NOL4: variants seen among roughly 807,000 people sequenced by gnomAD.
NOL4 encodes cancer/testis antigen 125.
NOL4 carries 17 observed loss-of-function variants against 75.9 expected under a neutral mutation model. That is an observed-to-expected ratio of 0.22 (90% CI 0.15 to 0.34). The LOEUF (loss-of-function observed/expected upper bound fraction) is 0.34. Ranked by LOEUF, NOL4 falls within the 10% of genes least tolerant of loss-of-function variation. The pLI, the probability that NOL4 is intolerant of heterozygous loss-of-function variation, is 1.00. For missense variants in NOL4, 614 were observed against 793.5 expected, an observed-to-expected ratio of 0.77 and a Z score of 2.72; for synonymous variants, 292 against 289.9, an observed-to-expected ratio of 1.01 and a Z score of -0.07.
At chr18:33,893,258 G>A (rs565420628) in intron 9 of NOL4, among the ~76,000 whole-genome samples, 173 of 152,190 alleles carry the variant, frequency 1.1e-3, no homozygotes, top group African/African-American at 4.0e-3. Flanking sequence ...TACAGATTAA[G>A]GGCAAGATTG....
intron 2 of NOL4, among the ~76,000 whole-genome samples, chr18:34,106,431 A>G (rs2079282737): frequency 6.6e-6 from 1 of 152,042 alleles, no homozygotes; most frequent in Admixed American, 6.6e-5. Flanking sequence ...TGAAGAGGAG[A>G]AACAGGCTTA....
At chr18:33,954,494 T>TAGA (rs968059499) in intron 8 of NOL4, among the ~76,000 whole-genome samples, 159 of 151,946 alleles carry the variant, frequency 1.0e-3, no homozygotes, top group Admixed American at 8.5e-4. Context: ...ACTCAGATTG[T>TAGA]AGAAGAAGAA....
At chr18:34,033,248 T>C (rs772248153) in intron 5 of NOL4, among the ~76,000 whole-genome samples, 20 of 152,058 alleles carry the variant, frequency 1.3e-4, no homozygotes, top group Non-Finnish European at 1.9e-4. Flanking sequence ...AACTAAATTA[T>C]TGATTCTTAA....
chr18:33,979,311 T>C (rs1343302454), intron 6 of NOL4, among the ~76,000 whole-genome samples: 1 of 152,046 alleles, frequency 6.6e-6, no homozygotes, highest in African/African-American at 2.4e-5. Context: ...ATAACTAAAA[T>C]ATGACAATAT....
At chr18:33,923,803 T>C (rs971381024) in intron 9 of NOL4, among the ~76,000 whole-genome samples, 2 of 152,126 alleles carry the variant, frequency 1.3e-5, no homozygotes, top group Non-Finnish European at 2.9e-5. Context: ...ACAAAGTACA[T>C]ATAGTTTTTT....
intron 1 of NOL4, among the ~76,000 whole-genome samples, chr18:34,198,444 G>C (rs1427895571): frequency 4.6e-5 from 7 of 151,386 alleles, no homozygotes; most frequent in Admixed American, 1.3e-4. Flanking sequence ...ATTTTTCTTT[G>C]ATAGATGAAT....
At chr18:34,061,079 T>C (rs2077047543) in intron 5 of NOL4, among the ~76,000 whole-genome samples, 1 of 152,192 alleles carries the variant, frequency 6.6e-6, no homozygotes, top group East Asian at 1.9e-4. Flanking sequence ...GTGAGTTTTA[T>C]AGAAAAAGAA....
At chr18:34,006,140 T>C (rs913062511) in intron 6 of NOL4, among the ~76,000 whole-genome samples, 8 of 152,122 alleles carry the variant, frequency 5.3e-5, no homozygotes, top group Admixed American at 2.0e-4. Context: ...ACCATACTTA[T>C]ATAGAAACTG....
intron 6 of NOL4, among the ~76,000 whole-genome samples, chr18:33,985,208 A>G (rs770994352): frequency 3.3e-5 from 5 of 152,148 alleles, no homozygotes; most frequent in Admixed American, 6.6e-5. Context: ...AATTTAAAGA[A>G]GCAACTCTAA....
intron 8 of NOL4, among the ~76,000 whole-genome samples, chr18:33,947,571 CTCTT>C (rs1344447261): frequency 6.6e-6 from 1 of 151,768 alleles, no homozygotes; most frequent in Non-Finnish European, 1.5e-5. Flanking sequence ...ATCTATCTCT[CTCTT>C]TCTCTATCTA....
intron 2 of NOL4, among the ~76,000 whole-genome samples, chr18:34,117,423 T>G (rs1166266802): frequency 6.6e-6 from 1 of 152,214 alleles, no homozygotes; most frequent in Non-Finnish European, 1.5e-5. Context: ...CCTCACAGCA[T>G]AGGTTAATTA....
chr18:33,944,503 C>A (rs538353488), intron 8 of NOL4, among the ~76,000 whole-genome samples: 19 of 151,882 alleles, frequency 1.3e-4, no homozygotes, highest in Non-Finnish European at 7.4e-5. Context: ...CCTCACTACT[C>A]CCCCTCCAAA....
chr18:34,040,496 A>G (rs1450702587), intron 5 of NOL4, among the ~76,000 whole-genome samples: 1 of 151,996 alleles, frequency 6.6e-6, no homozygotes, highest in Non-Finnish European at 1.5e-5. Flanking sequence ...TTTAAAACAA[A>G]TCTATATTTT....
intron 6 of NOL4, among the ~76,000 whole-genome samples, chr18:33,995,879 A>G (rs1369230798): frequency 1.3e-5 from 2 of 151,948 alleles, no homozygotes; most frequent in African/African-American, 4.8e-5. Flanking sequence ...ATAGCAATTG[A>G]AAAGAATACA....
chr18:34,095,461 G>A (rs573734827), intron 4 of NOL4, among the ~76,000 whole-genome samples: 1 of 152,006 alleles, frequency 6.6e-6, no homozygotes, highest in South Asian at 2.1e-4. Context: ...GTATTTTAGA[G>A]GATATTCTCA....
intron 9 of NOL4, among the ~76,000 whole-genome samples, chr18:33,889,066 T>C (rs1196580698): frequency 1.3e-5 from 2 of 151,832 alleles, no homozygotes; most frequent in Non-Finnish European, 2.9e-5. Context: ...TTCAAAAAAA[T>C]CAATCAAACC....
At chr18:34,031,521 C>T (rs942004012) in intron 5 of NOL4, among the ~76,000 whole-genome samples, 17 of 152,134 alleles carry the variant, frequency 1.1e-4, no homozygotes, top group African/African-American at 4.1e-4. Context: ...ATTTGATAGA[C>T]CCTCATTAAA....
At chr18:33,928,418 T>A (rs2145375914) in intron 9 of NOL4, among the ~76,000 whole-genome samples, 1 of 152,070 alleles carries the variant, frequency 6.6e-6, no homozygotes, top group Non-Finnish European at 1.5e-5. Flanking sequence ...AACCAAACAG[T>A]AAAGTAGAAT....
At chr18:34,218,006 C>A (rs976435750) in intron 1 of NOL4, among the ~76,000 whole-genome samples, 1 of 151,800 alleles carries the variant, frequency 6.6e-6, no homozygotes, top group Non-Finnish European at 1.5e-5. Flanking sequence ...TCTATGCTAT[C>A]CATGAAGTTT....
Sources: gnomAD v4.1 joint callset for allele counts (sites outside exome capture counted in the v4.1 genomes callset) on GRCh38, gnomAD v4.1.1 for gene constraint, MANE v1.5 for transcripts, NCBI Gene and HGNC (gene_info 2026-07-23, HGNC 2026-07-21) for gene names.